The following TRERF1 variants were observed in gnomAD, a reference collection of about 807,000 sequenced individuals.
The protein encoded by TRERF1 is transcriptional regulating factor 1.
TRERF1 carries 27 observed loss-of-function variants against 122.9 expected under a neutral mutation model. That is an observed-to-expected ratio of 0.22 (90% confidence interval 0.16 to 0.30). The LOEUF (loss-of-function observed/expected upper bound fraction) is 0.30, where lower values mean the gene tolerates loss of function less well. TRERF1 is among the 10% of genes least tolerant of loss of function. The probability of loss-of-function intolerance (pLI) is 1.00; values close to 1 mark genes in which losing one functional copy is unlikely to be tolerated. For synonymous variants in TRERF1, 636 were observed against 641.7 expected (o/e 0.99, Z 0.13); for missense variants, 1,248 against 1,560.3 (o/e 0.80, Z 3.37).
intron 2 of TRERF1, among the ~76,000 whole-genome samples, chr6:42,439,700 T>C (rs576626007): frequency 6.6e-6 from 1 of 152,330 alleles, no homozygotes; most frequent in African/African-American, 2.4e-5. Context: ...GATGACCATC[T>C]AAGACCAAAT....
intron 3 of TRERF1, among the ~76,000 whole-genome samples, chr6:42,314,966 G>A (rs1762251031): frequency 1.3e-5 from 2 of 152,192 alleles, no homozygotes; most frequent in South Asian, 4.1e-4. Context: ...AGGTAAGGAG[G>A]TGTCAGTTGA....
Position 42,232,945 on chromosome 6 carries a change from G to C in TRERF1, c.3067-53C>G. ...TCTACAGTCCTGAAAAGGAAATTAG[G>C]GTTATTAGTTACTCAGTGGTAAACA... On this transcript the variant is annotated intron_variant, in intron 16 of 17. Transcript: ENST00000372922. This position sits in a 1 kb window ranked among gnomAD's most constrained non-coding sequence, Gnocchi z 4.5. 1 of 1,511,828 alleles carries C rather than the reference G, an allele frequency of 6.6e-7. No individual in the cohort carries two copies. The highest frequency in any genetic ancestry group is 8.9e-7 in the Non-Finnish European group (1 of 1,123,258). The allele number at this position is 1,511,828 out of a possible 1,614,324, so 93.7% of individuals were successfully genotyped here.
intron 3 of TRERF1, among the ~76,000 whole-genome samples, chr6:42,357,648 A>G (rs987818046): frequency 3.9e-5 from 6 of 152,210 alleles, no homozygotes; most frequent in African/African-American, 1.4e-4. Flanking sequence ...CTTTGGCTCC[A>G]GGATTCCATG....
intron 3 of TRERF1, among the ~76,000 whole-genome samples, chr6:42,353,542 C>T (rs1748980754): frequency 6.6e-6 from 1 of 151,918 alleles, no homozygotes; most frequent in Non-Finnish European, 1.5e-5. Flanking sequence ...GAACCAATAT[C>T]GCGCCATTGC....
In TRERF1 at chr6:42,258,313, C is replaced by T. The variant is rs1332878529; in HGVS notation, c.2270-112G>A. The T allele has an allele frequency of 1.2e-5, 11 of 916,288 alleles. No individual in the cohort carries two copies. In the East Asian group the frequency reaches 1.5e-4, roughly 13 times the overall value. The allele number at this position is 916,288 out of a possible 1,614,324, so 56.8% of individuals were successfully genotyped here. ...ATAATAGAGCTTCTCTCCTACCCAG[C>T]TCCTGCCAGAGTTATCCTTGACAGT... On this transcript the variant is annotated intron_variant, in intron 9 of 17. Coordinates refer to ENST00000372922, the Ensembl canonical transcript of TRERF1.
At chr6:42,310,498 C>T (rs917238608) in intron 3 of TRERF1, among the ~76,000 whole-genome samples, 2 of 152,128 alleles carry the variant, frequency 1.3e-5, no homozygotes, top group Non-Finnish European at 2.9e-5. Context: ...TTTTACTCCT[C>T]GAGGGATACT....
intron 3 of TRERF1, among the ~76,000 whole-genome samples, chr6:42,307,884 C>T (rs1468989352): frequency 2.0e-5 from 3 of 152,180 alleles, no homozygotes; most frequent in Non-Finnish European, 4.4e-5. Context: ...TTCAGGTCTA[C>T]ACGAACCATC....
intron 3 of TRERF1, among the ~76,000 whole-genome samples, chr6:42,352,574 C>T (rs144816908): frequency 2.6e-5 from 4 of 152,114 alleles, no homozygotes; most frequent in Admixed American, 2.0e-4. Context: ...TAGAAAATTA[C>T]AAGGGCTCAA....
rs150436433 is a variant in TRERF1, at chr6:42,417,702, C to G, written c.-454+33475G>C. Among the ~76,000 whole-genome samples the G allele has an allele frequency of 5.3e-4, 80 of 152,334 alleles. 1 individual carries two copies. The highest frequency in any genetic ancestry group is 2.3e-3 in the South Asian group (11 of 4,820). ...CAGATAAACCTGGAACACATGGGCC[C>G]TGGAGCCCCAGCAAGAGGTTTGGAC... On this transcript the variant is annotated intron_variant, in intron 2 of 17. Coordinates refer to ENST00000372922, the Ensembl canonical transcript of TRERF1.
chr6:42,443,242 A>G (rs1349349409), intron 2 of TRERF1, among the ~76,000 whole-genome samples: 3 of 152,244 alleles, frequency 2.0e-5, no homozygotes, highest in Admixed American at 1.3e-4. Context: ...GGTGATGAGT[A>G]CAAGAGAGTT....
chr6:42,252,438 T>C (rs1775992964), intron 13 of TRERF1, among the ~76,000 whole-genome samples: 1 of 152,116 alleles, frequency 6.6e-6, no homozygotes, highest in Non-Finnish European at 1.5e-5. Flanking sequence ...TCCAGATAAC[T>C]GGGAGCCTGG....
In TRERF1 at chr6:42,261,955, CCT is replaced by C. The variant is rs1319233408; in HGVS notation, c.1884+1363_1884+1364del. 3.3e-5 allele frequency among the ~76,000 whole-genome samples: 5 copies of C among 152,156 alleles called. No individual in the cohort carries two copies. In the South Asian group the frequency reaches 1.0e-3, roughly 32 times the overall value. ...TTAAAGCATCAATTTCTTGTCTGCC[CCT>C]GTCTTTCTCTTACCATCTTGAAGGG... On this transcript the variant is annotated intron_variant, in intron 8 of 17. Coordinates refer to ENST00000372922, the Ensembl canonical transcript of TRERF1.
intron 15 of TRERF1, among the ~76,000 whole-genome samples, chr6:42,241,747 C>G (rs997868646): frequency 3.3e-5 from 5 of 152,312 alleles, no homozygotes; most frequent in African/African-American, 1.2e-4. Flanking sequence ...CAGGTTTGAG[C>G]CACCGTGCCT....
chr6:42,235,163 G>C (rs922798043), intron 16 of TRERF1, among the ~76,000 whole-genome samples: 1 of 151,680 alleles, frequency 6.6e-6, no homozygotes. Flanking sequence ...TTTAAAGACT[G>C]TTGCTTTCTC....
At chr6:42,418,218 CTTTT>C (rs34388801) in intron 2 of TRERF1, among the ~76,000 whole-genome samples, 50 of 34,666 alleles carry the variant, frequency 1.4e-3, no homozygotes, top group African/African-American at 3.4e-3. Flanking sequence ...TTTTTCTTTC[CTTTT>C]TTTTTTTTTT....
chr6:42,292,680 G>A (rs907839937), intron 4 of TRERF1, among the ~76,000 whole-genome samples: 2 of 152,130 alleles, frequency 1.3e-5, no homozygotes, highest in African/African-American at 4.8e-5. Context: ...TAACGAAGGT[G>A]GTTTTCTACT....
chr6:42,319,582 G>A (rs1763048528), intron 3 of TRERF1, among the ~76,000 whole-genome samples: 2 of 152,232 alleles, frequency 1.3e-5, no homozygotes, highest in South Asian at 2.1e-4. Context: ...AGCATTTTGG[G>A]GGGCTGAGGC....
At chr6:42,315,021 G>A (rs1327361490) in intron 3 of TRERF1, among the ~76,000 whole-genome samples, 2 of 152,314 alleles carry the variant, frequency 1.3e-5, no homozygotes, top group South Asian at 2.1e-4. Flanking sequence ...AGGAGAGAAC[G>A]TTCACAGCAG....
chr6:42,428,057 G>A (rs997531444), intron 2 of TRERF1, among the ~76,000 whole-genome samples: 1 of 152,152 alleles, frequency 6.6e-6, no homozygotes, highest in Non-Finnish European at 1.5e-5. Flanking sequence ...CCGGAAATAG[G>A]AGTCAAGTCT....
Sources: allele counts gnomAD v4.1 joint callset (sites outside exome capture counted in the v4.1 genomes callset), GRCh38; gene constraint gnomAD v4.1.1; non-coding constraint Gnocchi (gnomAD v3.1); transcripts MANE v1.5; gene names NCBI Gene and HGNC (gene_info 2026-07-23, HGNC 2026-07-21).